DGCR8: variants seen among roughly 807,000 people sequenced by gnomAD.
DGCR8 encodes microprocessor complex subunit DGCR8.
DGCR8 carries 14 observed loss-of-function variants against 78.5 expected under a neutral mutation model. The ratio of observed to expected loss-of-function variants is 0.18; its 90% confidence interval spans 0.12 to 0.28. The LOEUF is 0.28. DGCR8 is among the 10% of genes least tolerant of loss of function. The pLI is 1.00. For synonymous variants in DGCR8, 399 were observed against 402.4 expected (o/e 0.99, Z 0.10); for missense variants, 702 against 1,022.5 (o/e 0.69, Z 4.28).
In DGCR8 at chr22:20,104,509, C is replaced by CTG. The variant is rs150455687; in HGVS notation, c.1789-1658_1789-1657dup. Among the ~76,000 whole-genome samples, 2 of 152,272 alleles carry CTG rather than the reference C, an allele frequency of 1.3e-5. 1 individual carries two copies. Among genetic ancestry groups the CTG allele is most frequent in the East Asian group, 3.9e-4 (2 of 5,178 alleles). ...AGAAACTTCTGAGCGTGCTCTCTAGCTGTGTGTGTGTCAGCCACTGCCTCA... is the reference window on the plus strand; with the variant it reads ...AGAAACTTCTGAGCGTGCTCTCTAGCTGTGTGTGTGTGTCAGCCACTGCCTCA... On this transcript the variant is annotated intron_variant, in intron 9 of 13. Transcript: ENST00000351989.
intron 1 of DGCR8, among the ~76,000 whole-genome samples, chr22:20,082,687 A>G (rs1036654162): frequency 2.0e-5 from 3 of 152,238 alleles, no homozygotes; most frequent in Admixed American, 2.0e-4. Context: ...CTTTTAAACC[A>G]TAAGATGGTA....
At chr22:20,107,558 G>A in intron 12 of DGCR8, 160 bp downstream of exon 12, 1 of 822,212 alleles carries the variant, frequency 1.2e-6, no homozygotes, top group Non-Finnish European at 1.9e-6. Flanking sequence ...CAGGGGTGGG[G>A]TCGTCCCAGC....
intron 9 of DGCR8, among the ~76,000 whole-genome samples, chr22:20,098,172 G>A (rs558807977): frequency 1.3e-5 from 2 of 151,596 alleles, no homozygotes; most frequent in South Asian, 2.1e-4. Context: ...TATATATGGG[G>A]TAGAGATGGG....
chr22:20,083,254 G>A (rs1296954022), intron 1 of DGCR8, among the ~76,000 whole-genome samples: 2 of 151,784 alleles, frequency 1.3e-5, no homozygotes, highest in African/African-American at 4.8e-5. Flanking sequence ...ATACTTCTTG[G>A]CATGTGACAG....
intron 1 of DGCR8, among the ~76,000 whole-genome samples, chr22:20,082,051 C>CTTTTTTTTT (rs113585822): frequency 4.3e-5 from 6 of 140,556 alleles, no homozygotes; most frequent in South Asian, 2.3e-4. Context: ...TTCTTTCTTT[C>CTTTTTTTTT]TTTTTTTTTT....
intron 9 of DGCR8, among the ~76,000 whole-genome samples, chr22:20,098,085 C>T (rs1318015950): frequency 1.3e-5 from 2 of 149,656 alleles, no homozygotes; most frequent in Admixed American, 6.6e-5. Flanking sequence ...TGATACTGCG[C>T]CACTGTGCTC....
intron 12 of DGCR8, 55 bp downstream of exon 12, chr22:20,107,453 T>G: frequency 6.2e-7 from 1 of 1,607,512 alleles, no homozygotes; most frequent in Non-Finnish European, 8.5e-7. Context: ...CTGGAGCGTA[T>G]TCCTGAGGCT....
chr22:20,092,692 C>A (rs552295364), intron 7 of DGCR8, 117 bp from the exon 8 acceptor site: 152 of 819,842 alleles, frequency 1.9e-4, no homozygotes, highest in Admixed American at 1.3e-3. Flanking sequence ...CAAGCACAGG[C>A]CCACTCTCTG....
At position 20,089,656 on chromosome 22, in the gene DGCR8, T is replaced by C; in HGVS notation, c.881-13T>C. On this transcript the variant is annotated splice_polypyrimidine_tract_variant and intron_variant, in intron 3 of 13. Coordinates refer to ENST00000351989, the MANE Select transcript of DGCR8 (RefSeq NM_022720.7). The surrounding 1 kb of genome is among the most constrained non-coding windows in gnomAD (Gnocchi z 4.9). ...TTACAGTGATTATAGGATGTTCTTGTCTTCCTGTGCAGGTCGTGGCCGCCC... is the reference window on the plus strand; with the variant it reads ...TTACAGTGATTATAGGATGTTCTTGCCTTCCTGTGCAGGTCGTGGCCGCCC... 7 of 1,613,370 alleles carry C rather than the reference T, an allele frequency of 4.3e-6. No homozygotes were observed. Among genetic ancestry groups the C allele is most frequent in the Non-Finnish European group, 5.9e-6 (7 of 1,179,768 alleles).
chr22:20,084,100 A>G (rs1328874726), intron 1 of DGCR8, among the ~76,000 whole-genome samples: 4 of 152,170 alleles, frequency 2.6e-5, no homozygotes, highest in African/African-American at 9.7e-5. Context: ...TCTTGTCCAT[A>G]TAGTGCGTTC....
intron 13 of DGCR8, 21 bp from the exon 14 acceptor site, chr22:20,110,002 CCT>C (rs1568963979): frequency 1.9e-6 from 3 of 1,612,908 alleles, no homozygotes; most frequent in South Asian, 2.2e-5. Flanking sequence ...CACTGGTACC[CCT>C]GACCTTTGTT....
chr22:20,106,107 A>G (rs1602496381), intron 9 of DGCR8, 70 bp from the exon 10 acceptor site: 2 of 1,338,558 alleles, frequency 1.5e-6, no homozygotes, highest in Admixed American at 1.7e-5. Context: ...GGGAAAGCCA[A>G]CCGCAGGCCC....
Position 20,089,790 on chromosome 22 carries a change from C to T in DGCR8, c.1002C>T (p.Phe334=). The T allele has an allele frequency of 6.2e-7, 1 of 1,613,952 alleles. No individual in the cohort carries two copies. The highest frequency in any genetic ancestry group is 8.5e-7 in the Non-Finnish European group (1 of 1,179,998). Residue 334 remains phenylalanine (F), a synonymous_variant, in exon 4 of 14, where the codon TTC becomes TTT. Transcript: ENST00000351989. The surrounding 1 kb of genome is among the most constrained non-coding windows in gnomAD (Gnocchi z 4.9). ...SRVVTWSRPY[F]LGTGSIRKHD... ...TGGTCACCTGGTCCAGGCCATACTTCTTGGGAACGGGAAGCATACGGGTAG... is the reference window on the plus strand; with the variant it reads ...TGGTCACCTGGTCCAGGCCATACTTTTTGGGAACGGGAAGCATACGGGTAG...
chr22:20,098,917 G>T (rs1028947533), intron 9 of DGCR8, among the ~76,000 whole-genome samples: 1 of 152,192 alleles, frequency 6.6e-6, no homozygotes, highest in Non-Finnish European at 1.5e-5. Context: ...AAATTTGGGG[G>T]TGACAGTTTA....
At position 20,106,710 on chromosome 22, in the gene DGCR8, T is replaced by C; in HGVS notation, c.1996+12T>C. The C allele has an allele frequency of 6.3e-7, 1 of 1,596,102 alleles. No individual in the cohort carries two copies. The highest frequency in any genetic ancestry group is 1.3e-5 in the African/African-American group (1 of 74,658). On this transcript the variant is annotated intron_variant, in intron 11 of 13. Transcript: ENST00000351989. ...AGTGCGCGGGTGGTGTAAGGACTCC[T>C]TCTCTGCTGCCTGGTGGCCGCTGGG...
rs1200421058 is a variant in DGCR8 at position 20,087,000 on chromosome 22, T to A, written c.721-162T>A. On this transcript the variant is annotated intron_variant, in intron 2 of 13. Coordinates refer to ENST00000351989, the MANE Select transcript of DGCR8 (RefSeq NM_022720.7). This position sits in a 1 kb window ranked among gnomAD's most constrained non-coding sequence, Gnocchi z 6.4. The stretch of plus-strand genomic sequence containing the variant: ...AGGTGTGTTGGTGTCAGCTGGTAGC[T>A]TCATCCTGTTTGTTTTTCAGATGAT... 1.0e-6 allele frequency: 1 copy of A among 970,726 alleles called. No individual in the cohort carries two copies. The highest frequency in any genetic ancestry group is 1.5e-6 in the Non-Finnish European group (1 of 658,818). 60.1% of individuals were successfully genotyped at this position (970,726 alleles called of 1,614,324 possible).
In DGCR8 at chr22:20,091,909, C is replaced by A. The variant is rs1045613329; in HGVS notation, c.1545C>A (p.Ile515=). The change falls in exon 7 of 14, where the codon ATC becomes ATA. Residue 515 remains isoleucine, a synonymous_variant. Coordinates refer to ENST00000351989, the MANE Select transcript of DGCR8 (RefSeq NM_022720.7). ...INPNGKSEVC[I]LHEYMQRVLK... ...CCAACGGGAAATCCGAGGTCTGCAT[C>A]CTGCACGAGTACATGCAGCGTGTCC... is the stretch of plus-strand genomic sequence containing the variant. 1.9e-6 allele frequency: 3 copies of A among 1,614,168 alleles called. No homozygotes were observed. The highest frequency in any genetic ancestry group is 2.2e-5 in the South Asian group (2 of 91,084).
At chr22:20,081,210 G>GC (rs2049414477) in intron 1 of DGCR8, among the ~76,000 whole-genome samples, 1 of 152,238 alleles carries the variant, frequency 6.6e-6, no homozygotes, top group Non-Finnish European at 1.5e-5. Context: ...GCTGGGTTGG[G>GC]CGGGAGGCTG....
At chr22:20,082,111 C>A (rs1057216661) in intron 1 of DGCR8, among the ~76,000 whole-genome samples, 1 of 150,352 alleles carries the variant, frequency 6.7e-6, no homozygotes, top group African/African-American at 2.5e-5. Context: ...GACTGGAGTG[C>A]AGTGGCGTGA....
Sources: allele counts gnomAD v4.1 joint callset (sites outside exome capture counted in the v4.1 genomes callset), GRCh38; gene constraint gnomAD v4.1.1; non-coding constraint Gnocchi (gnomAD v3.1); transcripts MANE v1.5; gene names NCBI Gene and HGNC (gene_info 2026-07-23, HGNC 2026-07-21).